Variants in LUZP1 observed in about 807,000 individuals in gnomAD.
LUZP1 encodes the protein filamin mechanobinding actin cross-linking protein.
LUZP1 carries 25 observed loss-of-function variants against 71.3 expected under a neutral mutation model. That is an observed-to-expected ratio of 0.35 (90% CI 0.26 to 0.49). The LOEUF (loss-of-function observed/expected upper bound fraction) is 0.49. Among genes scored for constraint, LUZP1 ranks in the 20% least tolerant of loss-of-function variants. The pLI is 0.99. For synonymous variants in LUZP1, 481 were observed against 506.4 expected (o/e 0.95, Z 0.67); for missense variants, 1,142 against 1,300.8 (o/e 0.88, Z 1.88).
intron 2 of LUZP1, among the ~76,000 whole-genome samples, chr1:23,152,582 G>C (rs1194111828): frequency 6.6e-6 from 1 of 152,052 alleles, no homozygotes; most frequent in African/African-American, 2.4e-5. Context: ...CCAGGCTGGA[G>C]TGGAGTGACA....
At chr1:23,153,971 A>G (rs1254542976) in intron 2 of LUZP1, among the ~76,000 whole-genome samples, 1 of 152,188 alleles carries the variant, frequency 6.6e-6, no homozygotes, top group East Asian at 1.9e-4. Flanking sequence ...TAATACATCT[A>G]TACAATAGAA....
exon 1 of LUZP1, chr1:23,177,535 G>T (rs1256359135): frequency 6.6e-6 from 1 of 152,544 alleles, no homozygotes; most frequent in African/African-American, 2.4e-5. Flanking sequence ...AAAAGAGAGG[G>T]CTGGACACCC....
chr1:23,091,676 T>C (rs762811301), exon 4 of LUZP1: 1 of 1,614,122 alleles, frequency 6.2e-7, no homozygotes, highest in Non-Finnish European at 8.5e-7. Context: ...GGGGCCCATC[T>C]GCCATTCTCT....
exon 5 of LUZP1, chr1:23,084,668 G>GAGTT (rs948001952): frequency 3.3e-5 from 5 of 152,036 alleles, no homozygotes; most frequent in Admixed American, 1.3e-4. Flanking sequence ...TTCTTACTGT[G>GAGTT]AGTTAAGGGA....
chr1:23,126,584 T>C (rs1400753127), intron 2 of LUZP1, among the ~76,000 whole-genome samples: 1 of 152,174 alleles, frequency 6.6e-6, no homozygotes, highest in Non-Finnish European at 1.5e-5. Flanking sequence ...CCACTACCAC[T>C]ATATTCCTAG....
chr1:23,091,573 C>G, exon 4 of LUZP1: 4 of 1,614,206 alleles, frequency 2.5e-6, no homozygotes, highest in South Asian at 1.1e-5. Flanking sequence ...CTGATTGTCT[C>G]CGCTGGAGGT....
exon 4 of LUZP1, chr1:23,091,203 T>C (rs1280933996): frequency 1.2e-6 from 2 of 1,604,846 alleles, no homozygotes; most frequent in Non-Finnish European, 1.7e-6. Flanking sequence ...GCTTGCTGAG[T>C]GGTTCCAGGC....
chr1:23,106,990 C>A (rs1643987783), intron 3 of LUZP1, among the ~76,000 whole-genome samples: 1 of 152,254 alleles, frequency 6.6e-6, no homozygotes, highest in African/African-American at 2.4e-5. Context: ...TAGGTCCCAT[C>A]ACTCATCTGC....
exon 5 of LUZP1, chr1:23,088,629 T>G: frequency 2.7e-6 from 1 of 375,450 alleles, no homozygotes; most frequent in East Asian, 4.8e-5. Flanking sequence ...GCCAGAATGG[T>G]CCAACTACTT....
Position 23,137,986 on chromosome 1 carries a change from C to A in LUZP1, c.-225-28859G>T, listed in dbSNP as rs1237485689. On this transcript the variant is annotated intron_variant, in intron 2 of 4. Coordinates refer to ENST00000302291, the Ensembl canonical transcript of LUZP1. ...TGTATTACTGTTACTATTAATTTAT[C>A]TTGAGATGGAGTCTTGCTCTGTTGC... Among the ~76,000 whole-genome samples the A allele has an allele frequency of 3.9e-5, 6 of 152,156 alleles. No individual in the cohort carries two copies. In the South Asian group the frequency reaches 1.2e-3, roughly 31 times the overall value.
intron 2 of LUZP1, among the ~76,000 whole-genome samples, chr1:23,112,776 G>A (rs1644044161): frequency 6.6e-6 from 1 of 152,136 alleles, no homozygotes; most frequent in Non-Finnish European, 1.5e-5. Context: ...TTTCTGTCCT[G>A]AAGAAATAGC....
At chr1:23,111,305 C>T (rs975291638) in intron 2 of LUZP1, among the ~76,000 whole-genome samples, 2 of 151,478 alleles carry the variant, frequency 1.3e-5, no homozygotes, top group South Asian at 4.2e-4. Context: ...AATCCCAGCA[C>T]TTTGGGAGGC....
intron 2 of LUZP1, among the ~76,000 whole-genome samples, chr1:23,120,988 G>T (rs974677966): frequency 6.6e-6 from 1 of 152,016 alleles, no homozygotes; most frequent in Non-Finnish European, 1.5e-5. Context: ...AGTTTTTCTC[G>T]TCTCCATAAA....
intron 2 of LUZP1, among the ~76,000 whole-genome samples, chr1:23,158,097 A>C (rs1048033874): frequency 3.5e-4 from 53 of 152,210 alleles, no homozygotes; most frequent in African/African-American, 1.3e-3. Context: ...GAAATGTGAA[A>C]TATCATACCA....
intron 2 of LUZP1, among the ~76,000 whole-genome samples, chr1:23,156,331 G>A (rs1057062975): frequency 6.6e-6 from 1 of 152,188 alleles, no homozygotes; most frequent in Non-Finnish European, 1.5e-5. Context: ...AGTGAGCCGA[G>A]ATCATGCCAC....
intron 2 of LUZP1, among the ~76,000 whole-genome samples, chr1:23,111,846 A>G (rs1187327919): frequency 6.6e-6 from 1 of 151,356 alleles, no homozygotes; most frequent in African/African-American, 2.4e-5. Context: ...TGCATAGCCT[A>G]AAACCTCTCC....
chr1:23,091,210 A>C, exon 4 of LUZP1: 3 of 1,609,776 alleles, frequency 1.9e-6, no homozygotes, highest in Non-Finnish European at 2.5e-6. Context: ...GAGTGGTTCC[A>C]GGCTGCGACA....
intron 2 of LUZP1, among the ~76,000 whole-genome samples, chr1:23,129,266 C>T (rs1644195508): frequency 6.6e-6 from 1 of 152,144 alleles, no homozygotes; most frequent in Admixed American, 6.6e-5. Flanking sequence ...TGACCATTGC[C>T]TTATCAAAAC....
chr1:23,091,511 A>G lies in LUZP1; in HGVS notation c.2751T>C (p.His917=), dbSNP rs758104306. Residue 917 remains histidine, a synonymous_variant, in exon 4 of 5, where the codon CAT becomes CAC. Coordinates refer to ENST00000302291, the Ensembl canonical transcript of LUZP1. The stretch of plus-strand genomic sequence containing the variant: ...TCTTCCAGGCATTCCGCACAGTAAC[A>G]TGTCTGGCATCTGAGAAGCCCACTT... The G allele has an allele frequency of 2.5e-6, 4 of 1,614,014 alleles. No individual in the cohort carries two copies. The East Asian group carries it at 6.7e-5, about 27-fold the overall frequency.
Sources: gnomAD v4.1 joint callset for allele counts (sites outside exome capture counted in the v4.1 genomes callset) on GRCh38, gnomAD v4.1.1 for gene constraint, MANE v1.5 for transcripts, NCBI Gene and HGNC (gene_info 2026-07-23, HGNC 2026-07-21) for gene names.